Variants in FAM13B observed in about 807,000 individuals in gnomAD.
FAM13B encodes the protein family with sequence similarity 13 member B.
In FAM13B, 60 loss-of-function variants were observed where a neutral mutation model predicts 117.3. The ratio of observed to expected loss-of-function variants is 0.51; its 90% confidence interval spans 0.42 to 0.63. FAM13B has a LOEUF of 0.63. Ranked by LOEUF, FAM13B falls within the 30% of genes least tolerant of loss-of-function variation. FAM13B has a pLI of 0.00. For synonymous variants in FAM13B, 332 were observed against 356.1 expected, an observed-to-expected ratio of 0.93 and a Z score of 0.76; for missense variants, 972 against 1,091.9, an observed-to-expected ratio of 0.89 and a Z score of 1.55.
chr5:137,968,438 C>CA (rs1158179498), intron 10 of FAM13B, among the ~76,000 whole-genome samples: 1,067 of 57,538 alleles, frequency 0.019, 15 homozygotes, highest in African/African-American at 0.029. Flanking sequence ...GACTCTGTCT[C>CA]AAAAAAAAAA....
At chr5:138,034,300 T>G (rs1464861367), upstream of FAM13B, among the ~76,000 whole-genome samples, 5 of 152,258 alleles carry the variant, frequency 3.3e-5, no homozygotes, top group East Asian at 9.6e-4. Flanking sequence ...ACTTAGTGAA[T>G]GCTTACTATG....
rs371273291 is a variant in FAM13B, at chr5:137,940,041, C to T, written c.*184G>A. On this transcript the variant is annotated 3_prime_UTR_variant, in exon 24 of 24. Transcript: ENST00000689681. ...TGTGGTTAATATGGAACATCACTTA[C>T]GCTCCCTTGAGAGGGCCTACTTACT... The T allele has an allele frequency of 4.2e-5, 68 of 1,612,952 alleles. No homozygotes were observed. Among genetic ancestry groups the T allele is most frequent in the Middle Eastern group, 1.6e-4 (1 of 6,080 alleles).
In FAM13B at chr5:137,988,297, G is replaced by C. The variant is rs1777738019; in HGVS notation, c.867C>G (p.Ile289Met). ...ACTCTGTAGAGGCTGGTAGGATGCT[G>C]ATGGGAGATATATGGGTGCTGCAAT... ...VTATSTHISPISILPASTDIL... is the reference protein window; with the variant it reads ...VTATSTHISPMSILPASTDIL... The change falls in exon 8 of 24, where the codon ATC becomes ATG. Residue 289 changes from isoleucine (I) to methionine (M), a missense_variant. Transcript: ENST00000689681. The C allele has an allele frequency of 6.4e-7, 1 of 1,558,724 alleles. No individual in the cohort carries two copies. The highest frequency in any genetic ancestry group is 8.6e-7 in the Non-Finnish European group (1 of 1,162,862).
upstream of FAM13B, among the ~76,000 whole-genome samples, chr5:138,037,658 G>A (rs759762839): frequency 2.0e-5 from 3 of 152,068 alleles, no homozygotes; most frequent in Non-Finnish European, 2.9e-5. Context: ...CCATCAGTAA[G>A]GAAACTTTTA....
chr5:138,047,868 CT>C (rs756930870), intron 1 of FAM13B, among the ~76,000 whole-genome samples: 1 of 152,234 alleles, frequency 6.6e-6, no homozygotes, highest in Non-Finnish European at 1.5e-5. Flanking sequence ...AGGGGCCTGA[CT>C]TTAGCCCAGT....
At chr5:138,034,330 G>A (rs1474120252), upstream of FAM13B, among the ~76,000 whole-genome samples, 5 of 152,292 alleles carry the variant, frequency 3.3e-5, no homozygotes, top group African/African-American at 9.6e-5. Context: ...CTTAAGATAC[G>A]TCAGTAAATC....
At chr5:138,011,481 C>T (rs755663137) in intron 5 of FAM13B, among the ~76,000 whole-genome samples, 39 of 151,920 alleles carry the variant, frequency 2.6e-4, no homozygotes, top group Admixed American at 7.9e-4. Context: ...TGCATTGGCG[C>T]GATCTCGGCT....
At chr5:138,018,212 T>C (rs1785737061) in intron 4 of FAM13B, 90 bp downstream of exon 4, 2 of 1,043,964 alleles carry the variant, frequency 1.9e-6, no homozygotes, top group African/African-American at 1.6e-5. Flanking sequence ...TAAAATACTA[T>C]ACTTACTGTT....
At chr5:138,025,397 T>A (rs991415131) in intron 1 of FAM13B, among the ~76,000 whole-genome samples, 1 of 139,682 alleles carries the variant, frequency 7.2e-6, no homozygotes, top group Non-Finnish European at 1.5e-5. Flanking sequence ...AGCCTCAAAC[T>A]CCTGGGCTCA....
chr5:137,946,511 A>C, intron 18 of FAM13B, 200 bp from the exon 19 acceptor site: 1 of 482,862 alleles, frequency 2.1e-6, no homozygotes. Context: ...ATTTGCTCTT[A>C]TAATAAGTAG....
Position 137,954,390 on chromosome 5 carries a change from A to G in FAM13B, c.1508-14T>C, listed in dbSNP as rs1035872182. On this transcript the variant is annotated splice_polypyrimidine_tract_variant and intron_variant, in intron 14 of 23. Transcript: ENST00000689681. ...CAGGAAATGGCTCTATAAAACAAAC[A>G]CAAAGAATAGTACCATGGGTCTCTT... 2 of 1,606,322 alleles carry G rather than the reference A, an allele frequency of 1.2e-6. No individual in the cohort carries two copies. The highest frequency in any genetic ancestry group is 2.7e-5 in the African/African-American group (2 of 74,688).
At chr5:137,988,528 C>T (rs969819072) in intron 7 of FAM13B, among the ~76,000 whole-genome samples, 1 of 152,102 alleles carries the variant, frequency 6.6e-6, no homozygotes. Context: ...TTTGGAAAAA[C>T]GTATCACTAA....
intron 1 of FAM13B, among the ~76,000 whole-genome samples, chr5:138,049,496 C>A (rs1791740357): frequency 6.6e-6 from 1 of 151,588 alleles, no homozygotes; most frequent in African/African-American, 2.4e-5. Flanking sequence ...TGGTCTTGAA[C>A]TGCTGACCTC....
chr5:138,020,413 T>G (rs897290033), intron 2 of FAM13B, among the ~76,000 whole-genome samples: 2 of 152,206 alleles, frequency 1.3e-5, no homozygotes, highest in East Asian at 1.9e-4. Context: ...GCCATCTAGT[T>G]CAGAAGAAAT....
chr5:137,997,971 A>G (rs1172792522), intron 7 of FAM13B, among the ~76,000 whole-genome samples: 2 of 152,220 alleles, frequency 1.3e-5, no homozygotes, highest in Non-Finnish European at 2.9e-5. Context: ...TGTCAACAGT[A>G]AGATGACTAA....
chr5:137,992,466 T>C (rs1778855602), intron 7 of FAM13B, among the ~76,000 whole-genome samples: 2 of 151,850 alleles, frequency 1.3e-5, no homozygotes, highest in South Asian at 4.1e-4. Flanking sequence ...TGGTGACGCA[T>C]GCCTGTAATC....
chr5:138,050,394 G>T (rs1240579928), intron 1 of FAM13B, among the ~76,000 whole-genome samples: 1 of 152,088 alleles, frequency 6.6e-6, no homozygotes, highest in Non-Finnish European at 1.5e-5. Context: ...CTGAGATTGG[G>T]CCACTGCACT....
rs6596414 is a variant in FAM13B, at chr5:137,971,107, G to T, written c.1180-8638C>A. Among the ~76,000 whole-genome samples, 5 of 151,132 alleles carry T rather than the reference G, an allele frequency of 3.3e-5. No homozygotes were observed. In the East Asian group the frequency reaches 9.8e-4, roughly 29 times the overall value. On this transcript the variant is annotated intron_variant, in intron 10 of 23. Coordinates refer to ENST00000689681, the MANE Select transcript of FAM13B (RefSeq NM_001385994.1). ...AATTGAACTCAGCTCTGCACCAAGC[G>T]GACCTTATAGACATCTACAGAACTC...
intron 16 of FAM13B, 71 bp from the exon 17 acceptor site, chr5:137,952,780 G>A: frequency 1.1e-6 from 1 of 900,446 alleles, no homozygotes; most frequent in South Asian, 1.6e-5. Context: ...TGTCCAAATA[G>A]TATTTTACAA....
Sources: gnomAD v4.1 joint callset for allele counts (sites outside exome capture counted in the v4.1 genomes callset) on GRCh38, gnomAD v4.1.1 for gene constraint, MANE v1.5 for transcripts, NCBI Gene and HGNC (gene_info 2026-07-23, HGNC 2026-07-21) for gene names.